Variants in CFAP20DC observed in about 807,000 individuals in gnomAD.
CFAP20DC encodes the protein CFAP20 domain containing.
CFAP20DC carries 84 observed loss-of-function variants against 101.7 expected under a neutral mutation model. The observed-to-expected ratio is 0.83, with a 90% CI of 0.69 to 0.99. The LOEUF is 0.99. Ranked by LOEUF, CFAP20DC falls within the 50% of genes least tolerant of loss-of-function variation. CFAP20DC has a pLI of 0.00. For synonymous variants in CFAP20DC, 359 were observed against 351.2 expected (o/e 1.02, Z -0.25); for missense variants, 1,007 against 970.3 (o/e 1.04, Z -0.50).
intron 4 of CFAP20DC, among the ~76,000 whole-genome samples, chr3:59,010,910 C>A (rs980263558): frequency 9.2e-5 from 14 of 152,096 alleles, no homozygotes; most frequent in African/African-American, 3.1e-4. Flanking sequence ...CAAAAGGAGC[C>A]TCAAAATGAT....
At position 59,001,788 on chromosome 3, in the gene CFAP20DC, G is replaced by A. The variant is rs1162055790; in HGVS notation, c.278+37769C>T. Among the ~76,000 whole-genome samples, 2 of 152,114 alleles carry A rather than the reference G, an allele frequency of 1.3e-5. No individual in the cohort carries two copies. Among genetic ancestry groups the A allele is most frequent in the East Asian group, 3.9e-4 (2 of 5,182 alleles). ...AAAGCAGGGAATTAGCCAGGCAGTA[G>A]TCTGATTAGGGGTGGCCTCAGGGAA... On this transcript the variant is annotated intron_variant, in intron 4 of 16. Coordinates refer to ENST00000482387, the MANE Select transcript of CFAP20DC (RefSeq NM_001394063.1). The surrounding 1 kb of genome is among the most constrained non-coding windows in gnomAD (Gnocchi z 4.5).
At position 58,787,533 on chromosome 3, in the gene CFAP20DC, A is replaced by C. The variant is rs532846478; in HGVS notation, c.2237+18862T>G. Among the ~76,000 whole-genome samples, 685 of 151,934 alleles carry C rather than the reference A, an allele frequency of 4.5e-3. 5 individuals are homozygous for C. Among genetic ancestry groups the C allele is most frequent in the African/African-American group, 0.016 (648 of 41,420 alleles). ...AAACCAACAAACAAACAAACAAAAA[A>C]CTCCAATTCATTGTGTTAATTAGTT... On this transcript the variant is annotated intron_variant, in intron 15 of 16. Transcript: ENST00000482387.
At chr3:58,941,491 T>C (rs1159494037) in intron 4 of CFAP20DC, among the ~76,000 whole-genome samples, 1 of 152,126 alleles carries the variant, frequency 6.6e-6, no homozygotes, top group Non-Finnish European at 1.5e-5. Context: ...TTCCTGAGGA[T>C]TTTATACATA....
At chr3:58,931,280 G>C (rs1366403337) in intron 5 of CFAP20DC, among the ~76,000 whole-genome samples, 2 of 152,200 alleles carry the variant, frequency 1.3e-5, no homozygotes, top group Non-Finnish European at 2.9e-5. Flanking sequence ...AGCTCGAACT[G>C]GGTGGAGACC....
At chr3:58,969,567 C>T (rs1387211814) in intron 4 of CFAP20DC, among the ~76,000 whole-genome samples, 1 of 152,066 alleles carries the variant, frequency 6.6e-6, no homozygotes, top group Admixed American at 6.6e-5. Flanking sequence ...GGAAACAACC[C>T]AAATGTCCAT....
At chr3:58,772,917 A>G (rs751013072) in intron 15 of CFAP20DC, among the ~76,000 whole-genome samples, 1 of 152,214 alleles carries the variant, frequency 6.6e-6, no homozygotes, top group Non-Finnish European at 1.5e-5. Context: ...ACTGTTAACC[A>G]TAATCACATC....
chr3:59,049,813 T>C lies in CFAP20DC; in HGVS notation c.-182A>G. 2 of 668,762 alleles carry C rather than the reference T, an allele frequency of 3.0e-6. No homozygotes were observed. Among genetic ancestry groups the C allele is most frequent in the South Asian group, 3.8e-5 (2 of 51,986 alleles). The allele number at this position is 668,762 out of a possible 1,614,324, so 41.4% of individuals were successfully genotyped here. A position where few individuals can be genotyped will look rare whatever the true frequency, so the allele number is the denominator to read the frequency against. On this transcript the variant is annotated 5_prime_UTR_variant, in exon 1 of 17. An upstream start codon of the reference 5' UTR is lost. Coordinates refer to ENST00000482387, the MANE Select transcript of CFAP20DC (RefSeq NM_001394063.1). The stretch of plus-strand genomic sequence containing the variant: ...CCCCTCCGGCCCCTGGTCAGCTCCA[T>C]CTCCCGCCCTCCATCAGCACCATTG...
At chr3:59,008,790 A>T (rs1310290616) in intron 4 of CFAP20DC, among the ~76,000 whole-genome samples, 1 of 152,072 alleles carries the variant, frequency 6.6e-6, no homozygotes, top group Non-Finnish European at 1.5e-5. Flanking sequence ...CAGCACACCA[A>T]CATGGCACAT....
chr3:58,911,367 T>C (rs1300569181), intron 6 of CFAP20DC, among the ~76,000 whole-genome samples: 1 of 152,196 alleles, frequency 6.6e-6, no homozygotes, highest in Non-Finnish European at 1.5e-5. Context: ...ATGTACTATG[T>C]GATTCCATTT....
At chr3:58,744,210 C>G (rs1420076863) in intron 16 of CFAP20DC, among the ~76,000 whole-genome samples, 2 of 152,150 alleles carry the variant, frequency 1.3e-5, no homozygotes, top group African/African-American at 4.8e-5. Flanking sequence ...CAGGAATTAT[C>G]ATGCCCATTT....
chr3:58,782,678 C>T (rs1054008721), intron 15 of CFAP20DC, among the ~76,000 whole-genome samples: 1 of 151,636 alleles, frequency 6.6e-6, no homozygotes, highest in Non-Finnish European at 1.5e-5. Context: ...ACAAGAGCTA[C>T]AAAAATATCT....
intron 4 of CFAP20DC, among the ~76,000 whole-genome samples, chr3:59,005,463 C>G (rs944881544): frequency 5.9e-5 from 9 of 152,208 alleles, no homozygotes; most frequent in African/African-American, 2.2e-4. Flanking sequence ...AGTCACCTTA[C>G]ATAACACTAT....
At chr3:58,976,701 C>T (rs1423641430) in intron 4 of CFAP20DC, among the ~76,000 whole-genome samples, 1 of 152,146 alleles carries the variant, frequency 6.6e-6, no homozygotes, top group Non-Finnish European at 1.5e-5. Flanking sequence ...TGTGTGGAGT[C>T]CATACATTCT....
At position 58,732,153 on chromosome 3, in the gene CFAP20DC, T is replaced by C. The variant is rs1030147909; in HGVS notation, c.198-14525A>G. ...AGTCATTTCAACTCAGTGGTAAGAT[T>C]ACAATTTCCAGGGCAGAATAAAGCA... On this transcript the variant is annotated intron_variant, in intron 3 of 3. Transcript: ENST00000486145. This position sits in a 1 kb window ranked among gnomAD's most constrained non-coding sequence, Gnocchi z 5.4. Among the ~76,000 whole-genome samples, 1 of 152,098 alleles carries C rather than the reference T, an allele frequency of 6.6e-6. No individual in the cohort carries two copies. The highest frequency in any genetic ancestry group is 1.5e-5 in the Non-Finnish European group (1 of 68,018).
At chr3:58,773,993 A>AT (rs879533130) in intron 15 of CFAP20DC, among the ~76,000 whole-genome samples, 49 of 147,368 alleles carry the variant, frequency 3.3e-4, no homozygotes, top group East Asian at 5.9e-4. Flanking sequence ...TTCCTTTCAA[A>AT]TTTTTTTTTT....
intron 15 of CFAP20DC, among the ~76,000 whole-genome samples, chr3:58,778,299 A>G (rs974398193): frequency 2.6e-5 from 4 of 151,988 alleles, no homozygotes; most frequent in African/African-American, 9.7e-5. Context: ...TGGCTTTACA[A>G]CCCCAGGTAC....
chr3:58,765,325 A>G (rs890363010), intron 15 of CFAP20DC, among the ~76,000 whole-genome samples: 1 of 152,088 alleles, frequency 6.6e-6, no homozygotes, highest in Non-Finnish European at 1.5e-5. Context: ...ACATTATATA[A>G]GAGCAAGTTA....
At chr3:59,016,806 A>G (rs1332703857) in intron 4 of CFAP20DC, among the ~76,000 whole-genome samples, 2 of 152,162 alleles carry the variant, frequency 1.3e-5, no homozygotes, top group East Asian at 3.9e-4. Context: ...TTGCTCATGC[A>G]GGAACTACAC....
intron 15 of CFAP20DC, among the ~76,000 whole-genome samples, chr3:58,789,492 A>T (rs9311685): frequency 6.6e-6 from 1 of 152,018 alleles, no homozygotes; most frequent in African/African-American, 2.4e-5. Flanking sequence ...TCTGTTCAGA[A>T]GTCAAATAAA....
Sources: gnomAD v4.1 joint callset for allele counts (sites outside exome capture counted in the v4.1 genomes callset) on GRCh38, gnomAD v4.1.1 for gene constraint, Gnocchi (gnomAD v3.1) non-coding constraint, MANE v1.5 for transcripts, NCBI Gene and HGNC (gene_info 2026-07-23, HGNC 2026-07-21) for gene names.